FGGY: variants seen among roughly 807,000 people sequenced by gnomAD.
The protein encoded by FGGY is FGGY carbohydrate kinase domain-containing protein.
A neutral mutation model predicts 71.3 loss-of-function variants in FGGY; 72 were observed. The observed-to-expected ratio is 1.01, with a 90% CI of 0.84 to 1.23. The LOEUF (loss-of-function observed/expected upper bound fraction) is 1.23. Ranked by LOEUF, FGGY falls within the 50% of genes most tolerant of loss-of-function variation. The pLI is 0.00. For missense variants in FGGY, 668 were observed against 682.3 expected (o/e 0.98, Z 0.23); for synonymous variants, 251 against 250.3 (o/e 1.00, Z -0.02).
chr1:59,668,943 A>G (rs2097349938), intron 13 of FGGY, among the ~76,000 whole-genome samples: 2 of 143,358 alleles, frequency 1.4e-5, no homozygotes, highest in Admixed American at 7.2e-5. Context: ...GTGAGCCGAG[A>G]TTGCGCCATT....
chr1:59,363,474 C>T (rs1571017151), intron 4 of FGGY, among the ~76,000 whole-genome samples: 1 of 152,234 alleles, frequency 6.6e-6, no homozygotes, highest in Non-Finnish European at 1.5e-5. Context: ...TATTATTGTC[C>T]TCAGTAATTT....
chr1:59,612,444 A>G (rs6678621), intron 9 of FGGY, among the ~76,000 whole-genome samples: 180 of 152,200 alleles, frequency 1.2e-3, no homozygotes, highest in African/African-American at 4.0e-3. Context: ...ACAAGCAAAT[A>G]CTGAGAGATT....
At chr1:59,495,669 G>A (rs1041687233) in intron 6 of FGGY, among the ~76,000 whole-genome samples, 1 of 152,076 alleles carries the variant, frequency 6.6e-6, no homozygotes, top group African/African-American at 2.4e-5. Flanking sequence ...TGTGGTATAA[G>A]GAAGGGGTCC....
intron 14 of FGGY, among the ~76,000 whole-genome samples, chr1:59,714,040 G>A (rs1264500553): frequency 2.6e-5 from 4 of 152,162 alleles, no homozygotes; most frequent in African/African-American, 9.7e-5. Flanking sequence ...ACCATCAGCA[G>A]CTCCTTGGAA....
chr1:59,487,028 T>G (rs950991216), intron 6 of FGGY, among the ~76,000 whole-genome samples: 1 of 152,202 alleles, frequency 6.6e-6, no homozygotes. Flanking sequence ...AGGAGTCTCA[T>G]GTACATAGAC....
intron 9 of FGGY, among the ~76,000 whole-genome samples, chr1:59,610,508 T>A (rs934300210): frequency 8.5e-5 from 13 of 152,240 alleles, no homozygotes; most frequent in African/African-American, 3.1e-4. Context: ...GTTCCATGTC[T>A]TTGCTATTGT....
intron 4 of FGGY, among the ~76,000 whole-genome samples, chr1:59,349,525 A>G (rs922839707): frequency 5.3e-5 from 8 of 152,182 alleles, no homozygotes. Flanking sequence ...CGCACTTGAG[A>G]TAAAACTGCA....
chr1:59,716,618 G>A lies in FGGY; in HGVS notation c.1513-41313G>A, dbSNP rs575070340. On this transcript the variant is annotated intron_variant, in intron 14 of 15. Transcript: ENST00000303721. ...GAGAAAGGATTACAATCTAATTAGG[G>A]AGACAAAACCAAAATACTGAGACAA... Among the ~76,000 whole-genome samples, 117 of 152,258 alleles carry A rather than the reference G, an allele frequency of 7.7e-4. No individual in the cohort carries two copies. The Middle Eastern group carries it at 0.017, about 22-fold the overall frequency.
chr1:59,582,599 T>G lies in FGGY; in HGVS notation c.904-25204T>G, dbSNP rs894076505. ...TCCTAAGTCCTACTTACCCTTCACA[T>G]TTAGCTCAGGCATCTAATATCCTCT... On this transcript the variant is annotated intron_variant, in intron 8 of 15. Coordinates refer to ENST00000303721, the MANE Select transcript of FGGY (RefSeq NM_018291.5). Among the ~76,000 whole-genome samples, 18 of 149,830 alleles carry G rather than the reference T, an allele frequency of 1.2e-4. 3 individuals are homozygous for G. The highest frequency in any genetic ancestry group is 4.5e-4 in the African/African-American group (18 of 39,564).
intron 9 of FGGY, among the ~76,000 whole-genome samples, chr1:59,615,636 A>G (rs1169740585): frequency 3.3e-5 from 5 of 152,234 alleles, no homozygotes; most frequent in African/African-American, 1.2e-4. Flanking sequence ...AAAAGCCAAA[A>G]TTGACAAATG....
chr1:59,541,136 C>G (rs1329822884), intron 7 of FGGY, among the ~76,000 whole-genome samples: 2 of 152,154 alleles, frequency 1.3e-5, no homozygotes, highest in Non-Finnish European at 2.9e-5. Flanking sequence ...GCAACTTCCT[C>G]AGCTGAAATT....
intron 11 of FGGY, among the ~76,000 whole-genome samples, chr1:59,650,428 G>A (rs561457919): frequency 8.7e-6 from 1 of 114,800 alleles, no homozygotes; most frequent in South Asian, 3.0e-4. Flanking sequence ...CAATTTCAGA[G>A]CCTGTTATTG....
chr1:59,755,779 C>G (rs1277795616), intron 14 of FGGY: 1 of 152,116 alleles, frequency 6.6e-6, no homozygotes, highest in Non-Finnish European at 1.5e-5. Flanking sequence ...ATAGAAGTTT[C>G]CTGGATCCCA....
chr1:59,655,919 G>T (rs1056857511), intron 11 of FGGY, among the ~76,000 whole-genome samples: 7 of 152,106 alleles, frequency 4.6e-5, no homozygotes. Flanking sequence ...AAACCCAGGT[G>T]CCTTCCTCTA....
intron 14 of FGGY, among the ~76,000 whole-genome samples, chr1:59,757,094 G>C (rs2098298129): frequency 6.6e-6 from 1 of 152,118 alleles, no homozygotes; most frequent in Non-Finnish European, 1.5e-5. Context: ...GAATTCAATA[G>C]CCGTTCCTAA....
intron 7 of FGGY, among the ~76,000 whole-genome samples, chr1:59,549,130 C>G (rs1363611903): frequency 6.6e-6 from 1 of 152,140 alleles, no homozygotes; most frequent in Non-Finnish European, 1.5e-5. Flanking sequence ...TGATATGATT[C>G]TTATCCTTCC....
chr1:59,652,080 C>T (rs2097168360), intron 11 of FGGY, among the ~76,000 whole-genome samples: 1 of 151,742 alleles, frequency 6.6e-6, no homozygotes, highest in Non-Finnish European at 1.5e-5. Context: ...GAATATTGGC[C>T]CCCACTCTCT....
At position 59,311,666 on chromosome 1, in the gene FGGY, A is replaced by C. The variant is rs1285375860; in HGVS notation, c.-14-9870A>C. Among the ~76,000 whole-genome samples the C allele has an allele frequency of 2.0e-5, 3 of 152,140 alleles. No homozygotes were observed. The East Asian group carries it at 5.8e-4, about 29-fold the overall frequency. On this transcript the variant is annotated intron_variant, in intron 1 of 15. Transcript: ENST00000303721. ...ATTGATAAGTATTTGGGTTGGTTCT[A>C]TGACTTTGCTATTGTAAACAGTGCT...
chr1:59,439,102 T>C (rs2069170677), intron 5 of FGGY, among the ~76,000 whole-genome samples: 1 of 152,198 alleles, frequency 6.6e-6, no homozygotes, highest in Non-Finnish European at 1.5e-5. Context: ...TATAATTCTT[T>C]AATGTTACTT....
Sources: gnomAD v4.1 joint callset for allele counts (sites outside exome capture counted in the v4.1 genomes callset) on GRCh38, gnomAD v4.1.1 for gene constraint, MANE v1.5 for transcripts, NCBI Gene and HGNC (gene_info 2026-07-23, HGNC 2026-07-21) for gene names.